SIPA1L3: variants seen among roughly 807,000 people sequenced by gnomAD.
SIPA1L3 encodes signal-induced proliferation-associated 1-like protein 3.
A neutral mutation model predicts 150.1 loss-of-function variants in SIPA1L3; 59 were observed. The observed-to-expected ratio is 0.39, with a 90% CI of 0.32 to 0.49. SIPA1L3 has a LOEUF of 0.49. Ranked by LOEUF, SIPA1L3 falls within the 20% of genes least tolerant of loss-of-function variation. SIPA1L3 has a pLI of 0.86. For missense variants in SIPA1L3, 2,211 were observed against 2,489.5 expected (o/e 0.89, Z 2.38); for synonymous variants, 1,070 against 1,077.6 (o/e 0.99, Z 0.14).
chr19:38,129,644 G>A (rs1360691921), intron 9 of SIPA1L3, among the ~76,000 whole-genome samples: 5 of 149,356 alleles, frequency 3.3e-5, no homozygotes, highest in Non-Finnish European at 3.0e-5. Flanking sequence ...AAAAAAGAAT[G>A]GTGTCACGAA....
At chr19:37,952,882 C>G (rs1030046830) in intron 1 of SIPA1L3, among the ~76,000 whole-genome samples, 1 of 152,124 alleles carries the variant, frequency 6.6e-6, no homozygotes, top group African/African-American at 2.4e-5. Context: ...GCCTGGGTAT[C>G]TGCATTTTGA....
intron 1 of SIPA1L3, among the ~76,000 whole-genome samples, chr19:37,976,440 A>G (rs1468403940): frequency 6.6e-6 from 1 of 152,158 alleles, no homozygotes; most frequent in Admixed American, 6.5e-5. Flanking sequence ...AGAAAGTGTG[A>G]AACCCAGTAA....
At chr19:38,184,600 C>G (rs1332751186) in intron 16 of SIPA1L3, 1 of 152,248 alleles carries the variant, frequency 6.6e-6, no homozygotes, top group Non-Finnish European at 1.5e-5. Flanking sequence ...GAGTGAGGGG[C>G]TCTGCCCTCC....
intron 2 of SIPA1L3, among the ~76,000 whole-genome samples, chr19:38,040,104 C>A (rs1362299889): frequency 2.0e-5 from 3 of 152,130 alleles, no homozygotes; most frequent in Admixed American, 1.3e-4. Context: ...CAGAGGGAGA[C>A]CCTGTCTCAA....
intron 1 of SIPA1L3, among the ~76,000 whole-genome samples, chr19:37,986,050 C>T (rs1194657241): frequency 6.6e-6 from 1 of 152,240 alleles, no homozygotes; most frequent in Admixed American, 6.5e-5. Flanking sequence ...AGAGAAGCTC[C>T]AGAAAGCAGC....
chr19:37,983,959 T>G (rs1366273937), intron 1 of SIPA1L3, among the ~76,000 whole-genome samples: 4 of 151,100 alleles, frequency 2.6e-5, no homozygotes, highest in Non-Finnish European at 4.4e-5. Context: ...ATTGTAACTG[T>G]AACCCTGATC....
At chr19:38,129,325 T>G (rs1344265520) in intron 9 of SIPA1L3, among the ~76,000 whole-genome samples, 1 of 152,072 alleles carries the variant, frequency 6.6e-6, no homozygotes, top group Non-Finnish European at 1.5e-5. Context: ...GGTTTCTTCC[T>G]CCAAGAATGG....
chr19:38,178,615 A>G (rs568262866), intron 15 of SIPA1L3, among the ~76,000 whole-genome samples: 1 of 152,140 alleles, frequency 6.6e-6, no homozygotes, highest in East Asian at 1.9e-4. Context: ...AGCTGGGACT[A>G]CAGGCGCCCA....
At chr19:38,012,760 G>C (rs893335920) in intron 1 of SIPA1L3, among the ~76,000 whole-genome samples, 2 of 151,730 alleles carry the variant, frequency 1.3e-5, no homozygotes, top group Admixed American at 6.6e-5. Context: ...TGCCATTCTC[G>C]GGCCCTTGCT....
chr19:38,142,848 C>T (rs1385685116), intron 12 of SIPA1L3, 138 bp downstream of exon 12: 82 of 1,100,724 alleles, frequency 7.4e-5, no homozygotes, highest in Non-Finnish European at 1.0e-4. Flanking sequence ...CTCAGAGGAG[C>T]CCCATGGGGT....
At chr19:38,040,186 A>G (rs1330416325) in intron 2 of SIPA1L3, among the ~76,000 whole-genome samples, 1 of 152,220 alleles carries the variant, frequency 6.6e-6, no homozygotes, top group Non-Finnish European at 1.5e-5. Flanking sequence ...TGTTAGTCAC[A>G]CTTTTCACAG....
At chr19:38,117,388 G>A (rs188853063) in intron 8 of SIPA1L3, among the ~76,000 whole-genome samples, 98 of 152,254 alleles carry the variant, frequency 6.4e-4, no homozygotes, top group Non-Finnish European at 1.2e-3. Context: ...GGGAGGCCAG[G>A]GTGGGTAGAT....
intron 1 of SIPA1L3, among the ~76,000 whole-genome samples, chr19:37,990,659 T>C (rs1490636099): frequency 6.6e-6 from 1 of 152,108 alleles, no homozygotes; most frequent in Non-Finnish European, 1.5e-5. Flanking sequence ...CCCAGTAGGG[T>C]TCTTTGCTGG....
At chr19:38,141,080 AAAG>A in intron 10 of SIPA1L3, 101 bp from the exon 11 acceptor site, 30 of 1,026,106 alleles carry the variant, frequency 2.9e-5, no homozygotes, top group Middle Eastern at 2.5e-4. Flanking sequence ...AAAAAAAAAA[AAAG>A]CCATCCCGGT....
chr19:37,911,135 A>G (rs983991692), intron 1 of SIPA1L3, among the ~76,000 whole-genome samples: 4 of 152,186 alleles, frequency 2.6e-5, no homozygotes, highest in African/African-American at 4.8e-5. Flanking sequence ...ATCTATTGCT[A>G]GGCTTTGGAG....
In SIPA1L3 at chr19:37,942,182, T is replaced by C. The variant is rs187522647; in HGVS notation, c.-379+34824T>C. ...CGGGGACGGAGCCCGATAAGGTCTGTCCTCCTGGAGTTCATTGTTTAGGTT... is the reference window on the plus strand; with the variant it reads ...CGGGGACGGAGCCCGATAAGGTCTGCCCTCCTGGAGTTCATTGTTTAGGTT... On this transcript the variant is annotated intron_variant, in intron 1 of 21. Coordinates refer to ENST00000222345, the MANE Select transcript of SIPA1L3 (RefSeq NM_015073.3). Among the ~76,000 whole-genome samples the C allele has an allele frequency of 1.5e-3, 225 of 152,190 alleles. 1 individual carries two copies. In the East Asian group the frequency reaches 0.021, roughly 14 times the overall value.
chr19:38,149,965 C>T (rs376810645), intron 12 of SIPA1L3, among the ~76,000 whole-genome samples: 18 of 152,260 alleles, frequency 1.2e-4, no homozygotes, highest in East Asian at 7.7e-4. Flanking sequence ...GATTTCACAG[C>T]GACTTTTTGG....
At position 37,923,671 on chromosome 19, in the gene SIPA1L3, A is replaced by T. The variant is rs570360669; in HGVS notation, c.-379+16313A>T. On this transcript the variant is annotated intron_variant, in intron 1 of 21. Transcript: ENST00000222345. ...ATTTAGGCTACACTAAATTTATTTT[A>T]AAAAATGTTTCCTCAATAATACATT... 4.6e-5 allele frequency among the ~76,000 whole-genome samples: 7 copies of T among 152,280 alleles called. No homozygotes were observed. In the East Asian group the frequency reaches 7.7e-4, roughly 17 times the overall value.
chr19:38,082,258 C>T lies in SIPA1L3; in HGVS notation c.693C>T (p.Asp231=), dbSNP rs751157798. ...ACGAGTTCCGCAGCGAGCAGCCCGACGCCCGAGGGTGCCAGGCCCTCACCG... is the reference window on the plus strand; with the variant it reads ...ACGAGTTCCGCAGCGAGCAGCCCGATGCCCGAGGGTGCCAGGCCCTCACCG... ...ILNEFRSEQP[D]ARGCQALTEL... The change falls in exon 3 of 22, where the codon GAC becomes GAT. Residue 231 remains aspartate, a synonymous_variant. Transcript: ENST00000222345. 52 of 1,600,552 alleles carry T rather than the reference C, an allele frequency of 3.2e-5. No homozygotes were observed. Among genetic ancestry groups the T allele is most frequent in the East Asian group, 4.5e-5 (2 of 44,864 alleles).
Sources: gnomAD v4.1 joint callset for allele counts (sites outside exome capture counted in the v4.1 genomes callset) on GRCh38, gnomAD v4.1.1 for gene constraint, MANE v1.5 for transcripts, NCBI Gene and HGNC (gene_info 2026-07-23, HGNC 2026-07-21) for gene names.